The following SCN1A variants were observed in gnomAD, a reference collection of about 807,000 sequenced individuals.
The protein encoded by SCN1A is sodium channel protein type 1 subunit alpha.
In SCN1A, 13 loss-of-function variants were observed where a neutral mutation model predicts 193.7. That is an observed-to-expected ratio of 0.07 (90% CI 0.04 to 0.11). The LOEUF is 0.11. Among genes scored for constraint, SCN1A ranks in the 10% least tolerant of loss-of-function variants. The probability of loss-of-function intolerance (pLI) is 1.00; values close to 1 mark genes in which losing one functional copy is unlikely to be tolerated. For synonymous variants in SCN1A, 781 were observed against 843.6 expected (o/e 0.93, Z 1.29); for missense variants, 1,432 against 2,451.1 (o/e 0.58, Z 8.78).
chr2:166,090,178 G>C lies in SCN1A; in HGVS notation c.-141-12377C>G, dbSNP rs1401099065. ...CCTCAGGCTCCTGAGTAGCTGGGAT[G>C]CATACCAGCATGCCCAGCTGATTTT... On this transcript the variant is annotated intron_variant, in intron 2 of 28. Transcript: ENST00000674923. Among the ~76,000 whole-genome samples, 6 of 151,600 alleles carry C rather than the reference G, an allele frequency of 4.0e-5. No homozygotes were observed. The East Asian group carries it at 1.2e-3, about 30-fold the overall frequency.
At chr2:166,024,891 C>A (rs1271939758) in intron 19 of SCN1A, among the ~76,000 whole-genome samples, 3 of 152,272 alleles carry the variant, frequency 2.0e-5, no homozygotes, top group South Asian at 2.1e-4. Flanking sequence ...GGAGCTCAAG[C>A]AATTCACCCA....
At position 166,051,808 on chromosome 2, in the gene SCN1A, A is replaced by G. The variant is rs766503699; in HGVS notation, c.875T>C (p.Ile292Thr). Reference protein sequence around the residue: ...PTNASLEEHSIEKNITVNYNG... With the variant: ...PTNASLEEHSTEKNITVNYNG... ...ATAATTCACAGTTATATTCTTTTCT[A>G]TACTATGTTCCTCCAAGGAAGCATT... The change falls in exon 9 of 29, where the codon ATA becomes ACA. Residue 292 changes from isoleucine (I) to threonine (T), a missense_variant. Physicochemically the swap from Ile to Thr is moderately conservative, Grantham distance 89. Transcript: ENST00000674923. 14 of 1,611,932 alleles carry G rather than the reference A, an allele frequency of 8.7e-6. No individual in the cohort carries two copies. The African/African-American group carries it at 1.6e-4, about 18-fold the overall frequency.
At position 166,042,341 on chromosome 2, in the gene SCN1A, T is replaced by C; in HGVS notation, c.2127A>G (p.Gln709=). 6.2e-7 allele frequency: 1 copy of C among 1,613,966 alleles called. No individual in the cohort carries two copies. Among genetic ancestry groups the C allele is most frequent in the Non-Finnish European group, 8.5e-7 (1 of 1,179,880 alleles). The change falls in exon 15 of 29, where the codon CAA becomes CAG. Residue 709 remains glutamine (Q), a synonymous_variant. Coordinates refer to ENST00000674923, the MANE Select transcript of SCN1A (RefSeq NM_001165963.4). ...VSMDFLEDPS[Q]RQRAMSIASI... is the part of the protein sequence containing the mutation. ...TGGCTATACTCATTGCTCGTTGCCTTTGGGAAGGATCTTCTAGAAAGTCCA... is the reference window on the plus strand; with the variant it reads ...TGGCTATACTCATTGCTCGTTGCCTCTGGGAAGGATCTTCTAGAAAGTCCA...
rs890424731 is a variant in SCN1A at position 165,992,636 on chromosome 2, CT to C, written c.4853-215del. 226 of 229,850 alleles carry C rather than the reference CT, an allele frequency of 9.8e-4. 1 individual carries two copies. The highest frequency in any genetic ancestry group is 1.8e-3 in the African/African-American group (74 of 41,806). The allele number at this position is 229,850 out of a possible 1,614,324, so 14.2% of individuals were successfully genotyped here. A position where few individuals can be genotyped will look rare whatever the true frequency, so the allele number is the denominator to read the frequency against. On this transcript the variant is annotated intron_variant, in intron 28 of 28. Transcript: ENST00000674923. This position sits in a 1 kb window ranked among gnomAD's most constrained non-coding sequence, Gnocchi z 6.5. The stretch of plus-strand genomic sequence containing the variant: ...AATTTCAATTATAAGGATTATAGTA[CT>C]TTTTTTTATCTTTAAGAGATGTTTA...
At chr2:166,022,662 A>G (rs1694226093) in intron 19 of SCN1A, among the ~76,000 whole-genome samples, 3 of 152,144 alleles carry the variant, frequency 2.0e-5, no homozygotes, top group Admixed American at 2.0e-4. Context: ...CTTCTAACCA[A>G]TACAATGTGG....
intron 2 of SCN1A, among the ~76,000 whole-genome samples, chr2:166,111,641 T>C (rs752410368): frequency 2.8e-4 from 42 of 152,256 alleles, no homozygotes; most frequent in African/African-American, 9.4e-4. Context: ...ATAGCTGCTA[T>C]AGAGAGTGAT....
intron 2 of SCN1A, among the ~76,000 whole-genome samples, chr2:166,080,869 G>A (rs1685446759): frequency 6.6e-6 from 1 of 151,534 alleles, no homozygotes; most frequent in South Asian, 2.1e-4. Flanking sequence ...AGAAAAAGAG[G>A]GAGGTAAATC....
intron 2 of SCN1A, among the ~76,000 whole-genome samples, chr2:166,109,759 C>G (rs1429063300): frequency 2.6e-5 from 4 of 152,156 alleles, no homozygotes; most frequent in Non-Finnish European, 5.9e-5. Flanking sequence ...TCTGCTCTGA[C>G]TGCTCCACCA....
chr2:165,997,947 G>A lies in SCN1A; in HGVS notation c.4476+91C>T. 4 of 1,005,028 alleles carry A rather than the reference G, an allele frequency of 4.0e-6. No homozygotes were observed. The South Asian group carries it at 5.3e-5, about 13-fold the overall frequency. 62.3% of individuals were successfully genotyped at this position (1,005,028 alleles called of 1,614,324 possible). A position where few individuals can be genotyped will look rare whatever the true frequency, so the allele number is the denominator to read the frequency against. ...CAGTTATAATATATACTCCCATTTT[G>A]TTTCTAAATTCAAGTACTCATTTGG... On this transcript the variant is annotated intron_variant, in intron 26 of 28. Coordinates refer to ENST00000674923, the MANE Select transcript of SCN1A (RefSeq NM_001165963.4).
chr2:166,135,756 G>T (rs1435379255), intron 1 of SCN1A, among the ~76,000 whole-genome samples: 2 of 152,164 alleles, frequency 1.3e-5, no homozygotes, highest in Non-Finnish European at 2.9e-5. Flanking sequence ...TACATCGAAG[G>T]TCAGAAAATA....
At chr2:166,011,423 A>C (rs545238) in intron 22 of SCN1A, among the ~76,000 whole-genome samples, 40,068 of 150,852 alleles carry the variant, frequency 0.27, 5,672 homozygotes, top group Middle Eastern at 0.48. Flanking sequence ...ATGCAGTATT[A>C]ATCATTGGGG....
At chr2:166,095,269 T>C (rs1194196616) in intron 2 of SCN1A, among the ~76,000 whole-genome samples, 2 of 152,192 alleles carry the variant, frequency 1.3e-5, no homozygotes, top group Non-Finnish European at 2.9e-5. Flanking sequence ...ATTATTTGTA[T>C]TCCTCTTTTG....
At chr2:166,024,217 C>T (rs953871583) in intron 19 of SCN1A, among the ~76,000 whole-genome samples, 58 of 151,868 alleles carry the variant, frequency 3.8e-4, no homozygotes, top group African/African-American at 1.3e-3. Flanking sequence ...CCGAGTGAGG[C>T]CCTGTCTCAA....
At chr2:166,145,178 G>GGGGA (rs1553468437) in intron 1 of SCN1A, among the ~76,000 whole-genome samples, 13 of 129,448 alleles carry the variant, frequency 1.0e-4, no homozygotes, top group African/African-American at 2.0e-4. Context: ...TTTTTTGTGG[G>GGGGA]GGACAGAGTC....
chr2:166,059,812 C>T (rs1047590104), intron 4 of SCN1A, among the ~76,000 whole-genome samples: 1 of 152,108 alleles, frequency 6.6e-6, no homozygotes, highest in Non-Finnish European at 1.5e-5. Context: ...CCTATACTTG[C>T]AGGATTTTCT....
chr2:166,113,012 A>G (rs115228478), intron 2 of SCN1A, among the ~76,000 whole-genome samples: 1,623 of 152,302 alleles, frequency 0.011, 34 homozygotes, highest in African/African-American at 0.037. Context: ...GAGCTGTTGT[A>G]GCACATTATT....
At position 166,041,474 on chromosome 2, in the gene SCN1A, A is replaced by T; in HGVS notation, c.2177-5T>A. On this transcript the variant is annotated splice_region_variant and splice_polypyrimidine_tract_variant and intron_variant, in intron 15 of 28. Transcript: ENST00000674923. ...TCTGCCTGGATTCTTCAAGTTCTAG[A>T]TTAAGAAAAAAAAAAAAAAGAACCA... 2 of 1,344,640 alleles carry T rather than the reference A, an allele frequency of 1.5e-6. No homozygotes were observed. The highest frequency in any genetic ancestry group is 2.0e-6 in the Non-Finnish European group (2 of 976,470). The allele number at this position is 1,344,640 out of a possible 1,614,324, so 83.3% of individuals were successfully genotyped here.
At position 165,992,773 on chromosome 2, in the gene SCN1A, A is replaced by G. The variant is rs1444865440; in HGVS notation, c.4853-351T>C. ...AGCCCAACAGTATAGGTACAAGTTT[A>G]TATGTATACAGTGACTTTTTCTGAA... On this transcript the variant is annotated intron_variant, in intron 28 of 28. Transcript: ENST00000674923. This position sits in a 1 kb window ranked among gnomAD's most constrained non-coding sequence, Gnocchi z 6.5. 6.4e-6 allele frequency: 1 copy of G among 156,362 alleles called. No individual in the cohort carries two copies. The highest frequency in any genetic ancestry group is 2.4e-5 in the African/African-American group (1 of 41,478). 9.7% of individuals were successfully genotyped at this position (156,362 alleles called of 1,614,324 possible). A position where few individuals can be genotyped will look rare whatever the true frequency, so the allele number is the denominator to read the frequency against.
intron 2 of SCN1A, among the ~76,000 whole-genome samples, chr2:166,090,533 T>C (rs73026830): frequency 0.021 from 3,154 of 152,278 alleles, 117 homozygotes; most frequent in African/African-American, 0.072. Flanking sequence ...ATAGGAATTT[T>C]GCAACATTGA....
Sources: allele counts gnomAD v4.1 joint callset (sites outside exome capture counted in the v4.1 genomes callset), GRCh38; gene constraint gnomAD v4.1.1; non-coding constraint Gnocchi (gnomAD v3.1); transcripts MANE v1.5; gene names NCBI Gene and HGNC (gene_info 2026-07-23, HGNC 2026-07-21).